Variants in RIDA observed in about 807,000 individuals in gnomAD.
The protein encoded by RIDA is reactive intermediate imine deaminase A, also known as 2-iminobutanoate/2-iminopropanoate deaminase.
RIDA carries 17 observed loss-of-function variants against 17.8 expected under a neutral mutation model. That is an observed-to-expected ratio of 0.96 (90% CI 0.65 to 1.43). The LOEUF (loss-of-function observed/expected upper bound fraction) is 1.43, where lower values mean the gene tolerates loss of function less well. Among genes scored for constraint, RIDA ranks in the 40% most tolerant of loss-of-function variants. RIDA has a pLI of 0.00. For missense variants in RIDA, 158 were observed against 161.7 expected, an observed-to-expected ratio of 0.98 and a Z score of 0.12; for synonymous variants, 48 against 55.7, an observed-to-expected ratio of 0.86 and a Z score of 0.62.
intron 1 of RIDA, among the ~76,000 whole-genome samples, chr8:98,111,235 A>G (rs1255611318): frequency 6.6e-6 from 1 of 152,210 alleles, no homozygotes; most frequent in Non-Finnish European, 1.5e-5. Context: ...TATAGGAATG[A>G]TATTAATTTT....
chr8:98,103,663 G>GTC (rs1319472751), intron 5 of RIDA, among the ~76,000 whole-genome samples: 2 of 151,152 alleles, frequency 1.3e-5, no homozygotes, highest in East Asian at 3.9e-4. Context: ...TTGTGATGGA[G>GTC]TCTCGCTCTG....
At chr8:98,113,849 T>C (rs1238783330) in intron 1 of RIDA, 1 of 152,152 alleles carries the variant, frequency 6.6e-6, no homozygotes, top group Admixed American at 6.5e-5. Context: ...AGAAAGACAT[T>C]AGGGCAGAAG....
rs775375075 is a variant in RIDA at position 98,117,114 on chromosome 8, T to C, written c.-18A>G. ...GACGACATGGCTAAGCCTTCCCTCT[T>C]GCAGCCCCTTCAGGAGAAGAAGCCC... On this transcript the variant is annotated 5_prime_UTR_variant, in exon 1 of 6. Coordinates refer to ENST00000254878, the MANE Select transcript of RIDA (RefSeq NM_005836.3). 1.9e-6 allele frequency: 3 copies of C among 1,613,422 alleles called. No individual in the cohort carries two copies. The highest frequency in any genetic ancestry group is 2.5e-6 in the Non-Finnish European group (3 of 1,179,334).
rs1278060182 is a variant in RIDA, at chr8:98,106,017, T to C, written c.227-11A>G. ...CAGTTGTTTTCACCACTAGAAGATA[T>C]AAACATTGTCATTAGGTTTAGTTAT... is the stretch of plus-strand genomic sequence containing the variant. On this transcript the variant is annotated splice_polypyrimidine_tract_variant and intron_variant, in intron 3 of 5. Transcript: ENST00000254878. The C allele has an allele frequency of 6.3e-6, 10 of 1,579,854 alleles. No homozygotes were observed. The highest frequency in any genetic ancestry group is 2.7e-5 in the African/African-American group (2 of 74,282).
intron 1 of RIDA, among the ~76,000 whole-genome samples, chr8:98,114,528 G>A (rs533701964): frequency 3.2e-4 from 48 of 151,676 alleles, no homozygotes; most frequent in Admixed American, 8.6e-4. Flanking sequence ...TAGAGACGGG[G>A]TTTCACCATC....
intron 1 of RIDA, among the ~76,000 whole-genome samples, chr8:98,109,202 T>TAA (rs1177431179): frequency 6.6e-6 from 1 of 151,216 alleles, no homozygotes; most frequent in Non-Finnish European, 1.5e-5. Flanking sequence ...AGACCCAAAA[T>TAA]AAAAAAAGGG....
At chr8:98,115,352 CACTCTAGCCTGGGCAACAGAGTGAG>C (rs1815790641) in intron 1 of RIDA, among the ~76,000 whole-genome samples, 1 of 136,104 alleles carries the variant, frequency 7.3e-6, no homozygotes, top group Non-Finnish European at 1.5e-5. Flanking sequence ...TGCACCACTG[CACTCTAGCCTGGGCAACAGAGTGAG>C]ACTCTGCCTC....
At chr8:98,103,928 G>A (rs563562448) in intron 5 of RIDA, among the ~76,000 whole-genome samples, 8 of 152,068 alleles carry the variant, frequency 5.3e-5, no homozygotes, top group Non-Finnish European at 7.4e-5. Flanking sequence ...GTGAGCCACC[G>A]CGCCTGGCCT....
chr8:98,116,977 G>T, intron 1 of RIDA, 55 bp downstream of exon 1: 3 of 1,472,684 alleles, frequency 2.0e-6, no homozygotes, highest in Non-Finnish European at 2.8e-6. Context: ...CCCCAACCCC[G>T]AATCCCCGAA....
In RIDA at chr8:98,106,300, C is replaced by G; in HGVS notation, c.198G>C (p.Leu66=). ...TAGTGAAGTCACAGCCTGCAGCTTT[C>G]AGAATTTCACCCATGTTTTTAAGAG... is the stretch of plus-strand genomic sequence containing the variant. The part of the protein sequence containing the change: ...KQALKNMGEI[L]KAAGCDFTNV... The change falls in exon 3 of 6, where the codon CTG becomes CTC. Residue 66 remains leucine, a synonymous_variant. Coordinates refer to ENST00000254878, the MANE Select transcript of RIDA (RefSeq NM_005836.3). 6.2e-7 allele frequency: 1 copy of G among 1,613,848 alleles called. No homozygotes were observed. The highest frequency in any genetic ancestry group is 8.5e-7 in the Non-Finnish European group (1 of 1,179,860).
At position 98,108,691 on chromosome 8, in the gene RIDA, T is replaced by G; in HGVS notation, c.126A>C (p.Ser42=). The part of the protein sequence containing the change: ...YISGQIGMDP[S]SGQLVSGGVA... ...CCCCTCCTGACACAAGCTGTCCACT[T>G]GAAGGGTCCATGCCTATCTGTCCTG... is the stretch of plus-strand genomic sequence containing the variant. The change falls in exon 2 of 6, where the codon TCA becomes TCC. Residue 42 remains serine, a synonymous_variant. Transcript: ENST00000254878. The G allele has an allele frequency of 6.2e-7, 1 of 1,613,882 alleles. No individual in the cohort carries two copies. Among genetic ancestry groups the G allele is most frequent in the Non-Finnish European group, 8.5e-7 (1 of 1,179,800 alleles).
At chr8:98,109,269 A>G (rs892025166) in intron 1 of RIDA, among the ~76,000 whole-genome samples, 1 of 152,200 alleles carries the variant, frequency 6.6e-6, no homozygotes, top group African/African-American at 2.4e-5. Flanking sequence ...CAAAACATAT[A>G]CCTAATAAAG....
chr8:98,114,421 G>C (rs1815772089), intron 1 of RIDA, among the ~76,000 whole-genome samples: 1 of 151,230 alleles, frequency 6.6e-6, no homozygotes, highest in South Asian at 2.1e-4. Context: ...TGCCTTCCAG[G>C]TTCAAGCAAT....
chr8:98,108,646 T>C lies in RIDA; in HGVS notation c.171A>G (p.Gln57=). Residue 57 remains glutamine, a splice_region_variant and synonymous_variant, in exon 2 of 6, where the codon CAA becomes CAG. Transcript: ENST00000254878. ...ACCTTAAATGTGGAAAATAACTTAC[T>C]TGTTTAGCTTCTTCTGCTACCCCTC... is the stretch of plus-strand genomic sequence containing the variant. ...VSGGVAEEAK[Q]ALKNMGEILK... is the part of the protein sequence containing the mutation. 6.3e-7 allele frequency: 1 copy of C among 1,594,036 alleles called. No individual in the cohort carries two copies. Among genetic ancestry groups the C allele is most frequent in the Non-Finnish European group, 8.6e-7 (1 of 1,161,758 alleles).
In RIDA at chr8:98,102,735, A is replaced by C. The variant is rs1341657188; in HGVS notation, c.*107T>G. ...ATAATAGCTTCAGATATTTTCATCA[A>C]ACTCACACTGTCATCAATTGTGAAA... On this transcript the variant is annotated 3_prime_UTR_variant, in exon 6 of 6. Coordinates refer to ENST00000254878, the MANE Select transcript of RIDA (RefSeq NM_005836.3). The C allele has an allele frequency of 1.5e-5, 11 of 743,342 alleles. 1 individual carries two copies. The highest frequency in any genetic ancestry group is 2.4e-5 in the Non-Finnish European group (11 of 453,020). 46.0% of individuals were successfully genotyped at this position (743,342 alleles called of 1,614,324 possible).
In RIDA at chr8:98,105,971, C is replaced by A; in HGVS notation, c.262G>T (p.Asp88Tyr). Reference protein sequence around the residue: ...KTTVLLADINDFNTVNEIYKQ... With the variant: ...KTTVLLADINYFNTVNEIYKQ... ...TAGATTTCATTGACAGTATTGAAGT[C>A]ATTTATGTCAGCCAGAAGAACAGTT... Residue 88 changes from aspartate to tyrosine, a missense_variant, in exon 4 of 6, where the codon GAC becomes TAC. By Grantham distance (160) the Asp-to-Tyr change is radical. Transcript: ENST00000254878. 1 of 1,608,634 alleles carries A rather than the reference C, an allele frequency of 6.2e-7. No individual in the cohort carries two copies. Among genetic ancestry groups the A allele is most frequent in the South Asian group, 1.1e-5 (1 of 90,912 alleles).
chr8:98,103,725 C>T (rs1435640873), intron 5 of RIDA, among the ~76,000 whole-genome samples: 1 of 152,012 alleles, frequency 6.6e-6, no homozygotes, highest in Non-Finnish European at 1.5e-5. Flanking sequence ...CAAGCTCTGC[C>T]TCCTGGGTTC....
At chr8:98,110,149 G>A (rs1461960496) in intron 1 of RIDA, among the ~76,000 whole-genome samples, 1 of 152,152 alleles carries the variant, frequency 6.6e-6, no homozygotes, top group Non-Finnish European at 1.5e-5. Flanking sequence ...GATCATAAAT[G>A]GGTACAAGGG....
chr8:98,114,119 G>A (rs1195454733), intron 1 of RIDA, among the ~76,000 whole-genome samples: 7 of 152,172 alleles, frequency 4.6e-5, no homozygotes, highest in East Asian at 3.9e-4. Context: ...GCTTGAGCCC[G>A]GGAGGTTGAG....
Sources: allele counts gnomAD v4.1 joint callset (sites outside exome capture counted in the v4.1 genomes callset), GRCh38; gene constraint gnomAD v4.1.1; transcripts MANE v1.5; gene names NCBI Gene and HGNC (gene_info 2026-07-23, HGNC 2026-07-21).